The following ITGA9 variants were observed in gnomAD, a reference collection of about 807,000 sequenced individuals.
ITGA9 encodes the protein integrin alpha-9.
A neutral mutation model predicts 127.8 loss-of-function variants in ITGA9; 56 were observed. That is an observed-to-expected ratio of 0.44 (90% confidence interval 0.35 to 0.55). The LOEUF (loss-of-function observed/expected upper bound fraction) is 0.55, where lower values mean the gene tolerates loss of function less well. Among genes scored for constraint, ITGA9 ranks in the 20% least tolerant of loss-of-function variants. The pLI, the probability that ITGA9 is intolerant of heterozygous loss-of-function variation, is 0.00. For missense variants in ITGA9, 1,196 were observed against 1,347.1 expected (o/e 0.89, Z 1.76); for synonymous variants, 508 against 514.5 (o/e 0.99, Z 0.17).
chr3:37,808,414 G>A (rs1198591736), intron 27 of ITGA9: 3 of 152,308 alleles, frequency 2.0e-5, no homozygotes, highest in East Asian at 1.9e-4. Flanking sequence ...GCAGGATGGT[G>A]GTTTAGGGGA....
intron 18 of ITGA9, among the ~76,000 whole-genome samples, chr3:37,685,023 G>T (rs1304583152): frequency 6.6e-6 from 1 of 152,180 alleles, no homozygotes; most frequent in African/African-American, 2.4e-5. Context: ...TGCTCTAACT[G>T]CTGATAGCTG....
intron 16 of ITGA9, among the ~76,000 whole-genome samples, chr3:37,634,931 T>C (rs573227072): frequency 6.6e-6 from 1 of 152,214 alleles, no homozygotes; most frequent in Admixed American, 6.5e-5. Context: ...TTGAAATAAT[T>C]AACAGGAGGA....
chr3:37,737,582 G>A (rs1696378717), intron 20 of ITGA9, among the ~76,000 whole-genome samples: 1 of 152,198 alleles, frequency 6.6e-6, no homozygotes. Flanking sequence ...GCCTGTGGGG[G>A]CTTCTGGGGA....
intron 27 of ITGA9, chr3:37,808,099 C>T (rs1265345475): frequency 6.6e-6 from 1 of 152,018 alleles, no homozygotes; most frequent in African/African-American, 2.4e-5. Flanking sequence ...GGCTACACAT[C>T]CGCATCATTC....
At chr3:37,592,587 G>A (rs1437968789) in intron 15 of ITGA9, among the ~76,000 whole-genome samples, 1 of 152,166 alleles carries the variant, frequency 6.6e-6, no homozygotes, top group East Asian at 1.9e-4. Flanking sequence ...GCACCACCTT[G>A]GGAATGACTC....
At chr3:37,607,000 A>G (rs887522144) in intron 15 of ITGA9, among the ~76,000 whole-genome samples, 3 of 125,838 alleles carry the variant, frequency 2.4e-5, no homozygotes, top group East Asian at 2.4e-4. Flanking sequence ...TTTTAAAGAG[A>G]TAGGGTTTTA....
intron 1 of ITGA9, among the ~76,000 whole-genome samples, chr3:37,470,538 G>C (rs1698419780): frequency 6.6e-6 from 1 of 152,156 alleles, no homozygotes; most frequent in Admixed American, 6.5e-5. Context: ...CTGTTGACTT[G>C]TCTTTTCTTA....
intron 18 of ITGA9, among the ~76,000 whole-genome samples, chr3:37,723,708 C>T (rs538144483): frequency 2.8e-4 from 43 of 152,282 alleles, no homozygotes; most frequent in East Asian, 7.7e-4. Flanking sequence ...GCCATCTCCC[C>T]GTGTAGGCTG....
chr3:37,518,610 A>G (rs931024743), intron 10 of ITGA9, among the ~76,000 whole-genome samples: 5 of 152,154 alleles, frequency 3.3e-5, no homozygotes, highest in South Asian at 2.1e-4. Flanking sequence ...CAGTTACACA[A>G]TAGCCATTGT....
At chr3:37,479,557 G>A (rs982487003) in intron 3 of ITGA9, among the ~76,000 whole-genome samples, 4 of 152,156 alleles carry the variant, frequency 2.6e-5, no homozygotes, top group African/African-American at 9.7e-5. Context: ...GGAGAACCAG[G>A]CCCCAAGAGC....
At chr3:37,586,602 G>A (rs1424381688) in intron 15 of ITGA9, among the ~76,000 whole-genome samples, 3 of 152,202 alleles carry the variant, frequency 2.0e-5, no homozygotes, top group South Asian at 2.1e-4. Flanking sequence ...ATGGCTTTGC[G>A]GCCTTCAGTA....
At chr3:37,504,673 G>T (rs1443979573) in intron 6 of ITGA9, among the ~76,000 whole-genome samples, 1 of 152,176 alleles carries the variant, frequency 6.6e-6, no homozygotes, top group Non-Finnish European at 1.5e-5. Context: ...GAAGCTTCGA[G>T]CCTGTGGTTT....
intron 15 of ITGA9, among the ~76,000 whole-genome samples, chr3:37,601,840 C>T (rs1435040958): frequency 6.6e-6 from 1 of 152,174 alleles, no homozygotes; most frequent in Non-Finnish European, 1.5e-5. Context: ...GTGTATTCGG[C>T]TCATGGTTCT....
intron 15 of ITGA9, among the ~76,000 whole-genome samples, chr3:37,552,209 AG>A (rs60099598): frequency 0.18 from 27,430 of 152,052 alleles, 3,445 homozygotes; most frequent in African/African-American, 0.36. Flanking sequence ...GAGCCAGCTA[AG>A]GTTTTCTGAG....
intron 17 of ITGA9, among the ~76,000 whole-genome samples, chr3:37,671,211 C>T (rs1700634584): frequency 6.6e-6 from 1 of 152,180 alleles, no homozygotes; most frequent in African/African-American, 2.4e-5. Flanking sequence ...TCCAGATGTC[C>T]TAAGATTTAG....
intron 16 of ITGA9, among the ~76,000 whole-genome samples, chr3:37,649,808 C>T (rs1239445467): frequency 6.6e-6 from 1 of 152,202 alleles, no homozygotes; most frequent in East Asian, 1.9e-4. Flanking sequence ...GGATAGATCA[C>T]ATATTAGGTC....
intron 18 of ITGA9, among the ~76,000 whole-genome samples, chr3:37,690,031 A>G (rs1700816483): frequency 6.6e-6 from 1 of 152,262 alleles, no homozygotes; most frequent in African/African-American, 2.4e-5. Context: ...AAGCACAGAT[A>G]TGACAAGGTG....
At chr3:37,684,872 T>C (rs1185236046) in intron 18 of ITGA9, among the ~76,000 whole-genome samples, 1 of 152,172 alleles carries the variant, frequency 6.6e-6, no homozygotes, top group Non-Finnish European at 1.5e-5. Flanking sequence ...TTATATAGCA[T>C]GACTCAAAGG....
At chr3:37,483,895 C>T (rs986243122) in intron 4 of ITGA9, among the ~76,000 whole-genome samples, 2 of 152,234 alleles carry the variant, frequency 1.3e-5, no homozygotes, top group Non-Finnish European at 1.5e-5. Flanking sequence ...GATTTTGAAG[C>T]TGGCCTCTGT....
Sources: allele counts gnomAD v4.1 joint callset (sites outside exome capture counted in the v4.1 genomes callset), GRCh38; gene constraint gnomAD v4.1.1; transcripts MANE v1.5; gene names NCBI Gene and HGNC (gene_info 2026-07-23, HGNC 2026-07-21).